Variants in CYP4B1 observed in about 807,000 individuals in gnomAD.
The protein encoded by CYP4B1 is cytochrome P450 4B1.
In CYP4B1, 45 loss-of-function variants were observed where a neutral mutation model predicts 54.0. The ratio of observed to expected loss-of-function variants is 0.83; its 90% confidence interval spans 0.66 to 1.07. CYP4B1 has a LOEUF of 1.07. Among genes scored for constraint, CYP4B1 ranks in the 50% least tolerant of loss-of-function variants. The pLI is 0.00. For missense variants in CYP4B1, 656 were observed against 655.4 expected (o/e 1.00, Z -0.01); for synonymous variants, 248 against 247.5 (o/e 1.00, Z -0.02).
rs1451931085 is a variant in CYP4B1 at position 46,814,265 on chromosome 1, A to G, written c.832A>G (p.Ile278Val). ...ALQDEKVRKK[I>V]QNRRHLDFLD... ...GCAGGATGAGAAGGTGCGGAAGAAG[A>G]TCCAGAACCGGAGGCACCTGGACTT... Residue 278 changes from isoleucine to valine, a missense_variant, in exon 7 of 12, where the codon ATC becomes GTC. Transcript: ENST00000371923. The G allele has an allele frequency of 1.9e-6, 3 of 1,614,136 alleles. No homozygotes were observed. The South Asian group carries it at 3.3e-5, about 18-fold the overall frequency.
In CYP4B1 at chr1:46,817,170, C is replaced by G. The variant is rs1252510335; in HGVS notation, c.1196C>G (p.Ser399Cys). ...SKPVTFVDGRSLPAGSLISMH... is the reference protein window; with the variant it reads ...SKPVTFVDGRCLPAGSLISMH... ...CCTGTCACCTTTGTGGATGGCCGGT[C>G]TCTACCTGCAGGTGGGATGGGTGGA... Residue 399 changes from serine to cysteine, a missense_variant, in exon 9 of 12, where the codon TCT (serine) becomes TGT (cysteine). Ser to Cys is a moderately radical substitution (Grantham distance 112). Coordinates refer to ENST00000371923, the MANE Select transcript of CYP4B1 (RefSeq NM_001099772.2). The G allele has an allele frequency of 1.9e-6, 3 of 1,614,066 alleles. No homozygotes were observed. Among genetic ancestry groups the G allele is most frequent in the Admixed American group, 3.3e-5 (2 of 60,002 alleles).
At chr1:46,805,712 A>C (rs1678831964) in intron 1 of CYP4B1, among the ~76,000 whole-genome samples, 1 of 151,864 alleles carries the variant, frequency 6.6e-6, no homozygotes, top group Non-Finnish European at 1.5e-5. Flanking sequence ...TGCTTTTCCC[A>C]CTGATTTTTA....
In CYP4B1 at chr1:46,818,148, C is replaced by T. The variant is rs760411857; in HGVS notation, c.1290C>T (p.Arg430=). The T allele has an allele frequency of 7.4e-6, 12 of 1,614,068 alleles. No individual in the cohort carries two copies. In the African/African-American group the frequency reaches 1.2e-4, roughly 16 times the overall value. ...CCCTTCAGGTCTTTGACTCTCTGCG[C>T]TTTTCCACTGAGAATGCATCCAAAC... ...WPDPEVFDSL[R]FSTENASKRH... is the part of the protein sequence containing the mutation. The change falls in exon 11 of 12, where the codon CGC becomes CGT. Residue 430 remains arginine (R), a synonymous_variant. Transcript: ENST00000371923.
Position 46,813,760 on chromosome 1 carries a change from A to C in CYP4B1, c.621-149A>C, listed in dbSNP as rs17102575. The C allele has an allele frequency of 4.0e-4, 572 of 1,419,828 alleles. 1 individual carries two copies. In the African/African-American group the frequency reaches 7.5e-3, roughly 19 times the overall value. The allele number at this position is 1,419,828 out of a possible 1,614,324, so 88.0% of individuals were successfully genotyped here. A position where few individuals can be genotyped will look rare whatever the true frequency, so the allele number is the denominator to read the frequency against. On this transcript the variant is annotated intron_variant, in intron 5 of 11. Transcript: ENST00000371923. ...AGACAGGACCTGCTCATGGTGGGGT[A>C]AACACCTGGCTTTAGCAAGGAGGCT...
Position 46,810,866 on chromosome 1 carries a change from C to A in CYP4B1, c.239C>A (p.Ala80Asp). The change falls in exon 2 of 12, where the codon GCC becomes GAC. Residue 80 changes from alanine to aspartate, a missense_variant. By Grantham distance (126) the Ala-to-Asp change is moderately radical (BLOSUM62 -2). Coordinates refer to ENST00000371923, the MANE Select transcript of CYP4B1 (RefSeq NM_001099772.2). Reference sequence around the variant, plus strand: ...TCCTGGGCCCACCAGTTCCCGTATGCCCACCCACTCTGGTTCGGACAGTTC... The same window carrying A: ...TCCTGGGCCCACCAGTTCCCGTATGACCACCCACTCTGGTTCGGACAGTTC... Reference protein sequence around the residue: ...VVSWAHQFPYAHPLWFGQFIG... With the variant: ...VVSWAHQFPYDHPLWFGQFIG... 1 of 1,614,090 alleles carries A rather than the reference C, an allele frequency of 6.2e-7. No homozygotes were observed. Among genetic ancestry groups the A allele is most frequent in the South Asian group, 1.1e-5 (1 of 91,074 alleles).
chr1:46,814,201 T>A lies in CYP4B1; in HGVS notation c.776-8T>A. 2 of 1,614,036 alleles carry A rather than the reference T, an allele frequency of 1.2e-6. No individual in the cohort carries two copies. Among genetic ancestry groups the A allele is most frequent in the Non-Finnish European group, 1.7e-6 (2 of 1,179,926 alleles). On this transcript the variant is annotated splice_polypyrimidine_tract_variant and splice_region_variant and intron_variant, in intron 6 of 11. Coordinates refer to ENST00000371923, the MANE Select transcript of CYP4B1 (RefSeq NM_001099772.2). ...CCCAGGCAGTGACACTCTGTGCTTT[T>A]GGTTCAGACCAGGTCATCAGGGAGC...
chr1:46,799,195 G>C lies in CYP4B1; in HGVS notation c.114G>C (p.Thr38=). 6.2e-7 allele frequency: 1 copy of C among 1,609,574 alleles called. No homozygotes were observed. Among genetic ancestry groups the C allele is most frequent in the Non-Finnish European group, 8.5e-7 (1 of 1,178,022 alleles). ...KLIHLLLRRQ[T]LAKAMDKFPG... ...TCCACCTGCTGCTGCGGAGGCAGAC[G>C]TTGGCTAAGGCTATGGACAAATTCC... The change falls in exon 1 of 12, where the codon ACG becomes ACC. Residue 38 remains threonine (T), a synonymous_variant. Coordinates refer to ENST00000371923, the MANE Select transcript of CYP4B1 (RefSeq NM_001099772.2).
chr1:46,814,465 G>A (rs1679251814), intron 7 of CYP4B1, 150 bp downstream of exon 7: 1 of 661,870 alleles, frequency 1.5e-6, no homozygotes, highest in African/African-American at 1.8e-5. Flanking sequence ...ATATTAGCAG[G>A]GGTTCAGAGG....
At chr1:46,803,556 T>C (rs771866632) in intron 1 of CYP4B1, among the ~76,000 whole-genome samples, 13 of 152,138 alleles carry the variant, frequency 8.5e-5, no homozygotes, top group Admixed American at 5.2e-4. Flanking sequence ...ACAGGAGGAA[T>C]GAATTTCTAT....
intron 7 of CYP4B1, among the ~76,000 whole-genome samples, chr1:46,814,594 C>T (rs1020657384): frequency 7.7e-4 from 117 of 152,246 alleles, no homozygotes; most frequent in African/African-American, 2.8e-3. Flanking sequence ...CTTGTAGAAT[C>T]CTAGAATCTT....
At position 46,813,901 on chromosome 1, in the gene CYP4B1, C is replaced by T. The variant is rs201496388; in HGVS notation, c.621-8C>T. On this transcript the variant is annotated splice_region_variant and splice_polypyrimidine_tract_variant and intron_variant, in intron 5 of 11. Coordinates refer to ENST00000371923, the MANE Select transcript of CYP4B1 (RefSeq NM_001099772.2). ...CTAAGCCAATCCCTCCTCCTACCCT[C>T]TGCTTAGCAGGGACAGCAGCTACTA... 1 of 1,613,894 alleles carries T rather than the reference C, an allele frequency of 6.2e-7. No homozygotes were observed. The highest frequency in any genetic ancestry group is 8.5e-7 in the Non-Finnish European group (1 of 1,179,916).
At chr1:46,802,967 G>C (rs1201808591) in intron 1 of CYP4B1, among the ~76,000 whole-genome samples, 2 of 152,186 alleles carry the variant, frequency 1.3e-5, no homozygotes, top group Non-Finnish European at 2.9e-5. Flanking sequence ...GTGTGTTTAG[G>C]AAATTAAATT....
rs550243668 is a variant in CYP4B1, at chr1:46,808,929, T to A, written c.181-1879T>A. On this transcript the variant is annotated intron_variant, in intron 1 of 11. Transcript: ENST00000371923. ...GTGGGAATTGAACAATGAGATCACA[T>A]GGACACAGGAAGGGGAATATCACAC... Among the ~76,000 whole-genome samples, 5 of 119,592 alleles carry A rather than the reference T, an allele frequency of 4.2e-5. No homozygotes were observed. In the East Asian group the frequency reaches 1.0e-3, roughly 24 times the overall value. 78.5% of individuals were successfully genotyped at this position (119,592 alleles called of 152,430 possible). A position where few individuals can be genotyped will look rare whatever the true frequency, so the allele number is the denominator to read the frequency against.
At chr1:46,812,456 C>T (rs1434003460) in intron 3 of CYP4B1, 40 bp from the exon 4 acceptor site, 3 of 1,592,300 alleles carry the variant, frequency 1.9e-6, no homozygotes, top group Admixed American at 3.5e-5. Flanking sequence ...GCTGCCAGGG[C>T]CTGGACTGAC....
chr1:46,818,152 TC>T lies in CYP4B1; in HGVS notation c.1296del (p.Thr433LeufsTer29). The T allele has an allele frequency of 6.2e-7, 1 of 1,614,148 alleles. No individual in the cohort carries two copies. Among genetic ancestry groups the T allele is most frequent in the Non-Finnish European group, 8.5e-7 (1 of 1,180,016 alleles). Reference sequence around the variant, plus strand: ...TCAGGTCTTTGACTCTCTGCGCTTTTCCACTGAGAATGCATCCAAACGCCAT... The same window carrying T: ...TCAGGTCTTTGACTCTCTGCGCTTTTCACTGAGAATGCATCCAAACGCCAT... ...DPEVFDSLRF[S>X]TENASKRHPF... On this transcript the variant is annotated frameshift_variant, in exon 11 of 12. Coordinates refer to ENST00000371923, the MANE Select transcript of CYP4B1 (RefSeq NM_001099772.2). LOFTEE classifies it high-confidence loss of function.
At chr1:46,804,754 G>T (rs1238290769) in intron 1 of CYP4B1, among the ~76,000 whole-genome samples, 1 of 152,160 alleles carries the variant, frequency 6.6e-6, no homozygotes, top group Non-Finnish European at 1.5e-5. Flanking sequence ...GGAGTGAGGA[G>T]GGGAGAGGTA....
intron 1 of CYP4B1, among the ~76,000 whole-genome samples, chr1:46,800,441 G>A (rs962972152): frequency 7.3e-5 from 11 of 150,992 alleles, no homozygotes; most frequent in African/African-American, 1.7e-4. Context: ...AGCAATTCTC[G>A]TGCCTCAGCC....
At position 46,818,727 on chromosome 1, in the gene CYP4B1, GC is replaced by G; in HGVS notation, c.1455del (p.Ile486SerfsTer18). 6.2e-7 allele frequency: 1 copy of G among 1,614,160 alleles called. No homozygotes were observed. Among genetic ancestry groups the G allele is most frequent in the Non-Finnish European group, 8.5e-7 (1 of 1,180,014 alleles). ...AGTTCTCTCTGGACCCCTCACGGCT[GC>G]CCATCAAGATGCCCCAGCTTGTCCT... The part of the protein sequence containing the change: ...FEFSLDPSRL[P>X]IKMPQLVLRS... On this transcript the variant is annotated frameshift_variant, in exon 12 of 12. Transcript: ENST00000371923. LOFTEE classifies it low-confidence loss of function (END_TRUNC).
rs199759345 is a variant in CYP4B1 at position 46,818,173 on chromosome 1, C to T, written c.1315C>T (p.Arg439Cys). Residue 439 changes from arginine to cysteine, a missense_variant, in exon 11 of 12, where the codon CGC becomes TGC. Transcript: ENST00000371923. Reference protein sequence around the residue: ...LRFSTENASKRHPFAFMPFSA... With the variant: ...LRFSTENASKCHPFAFMPFSA... ...CTTTTCCACTGAGAATGCATCCAAA[C>T]GCCATCCCTTTGCCTTTATGCCCTT... 20 of 1,614,168 alleles carry T rather than the reference C, an allele frequency of 1.2e-5. No individual in the cohort carries two copies. The highest frequency in any genetic ancestry group is 4.0e-5 in the African/African-American group (3 of 75,050).
Sources: gnomAD v4.1 joint callset for allele counts (sites outside exome capture counted in the v4.1 genomes callset) on GRCh38, gnomAD v4.1.1 for gene constraint, MANE v1.5 for transcripts, NCBI Gene and HGNC (gene_info 2026-07-23, HGNC 2026-07-21) for gene names.